Variants in HS6ST3 observed in about 807,000 individuals in gnomAD.
The protein encoded by HS6ST3 is heparan sulfate 6-O-sulfotransferase 3.
HS6ST3 carries 12 observed loss-of-function variants against 36.7 expected under a neutral mutation model. That is an observed-to-expected ratio of 0.33 (90% confidence interval 0.21 to 0.53). The LOEUF (loss-of-function observed/expected upper bound fraction) is 0.53. HS6ST3 is among the 20% of genes least tolerant of loss of function. The pLI, the probability that HS6ST3 is intolerant of heterozygous loss-of-function variation, is 0.95. For missense variants in HS6ST3, 584 were observed against 640.9 expected, an observed-to-expected ratio of 0.91 and a Z score of 0.96; for synonymous variants, 240 against 257.5, an observed-to-expected ratio of 0.93 and a Z score of 0.65.
intron 1 of HS6ST3, among the ~76,000 whole-genome samples, chr13:96,334,149 G>A (rs566264108): frequency 2.0e-5 from 3 of 152,284 alleles, no homozygotes; most frequent in African/African-American, 7.2e-5. Context: ...CTGGGTAAAG[G>A]CTGCTTACAA....
chr13:96,370,534 A>C (rs748857199), intron 1 of HS6ST3, among the ~76,000 whole-genome samples: 1 of 152,206 alleles, frequency 6.6e-6, no homozygotes, highest in Non-Finnish European at 1.5e-5. Context: ...ACTTCCTGAT[A>C]TGTTCCTCTA....
chr13:96,707,779 G>A (rs1875464334), intron 1 of HS6ST3, among the ~76,000 whole-genome samples: 2 of 152,210 alleles, frequency 1.3e-5, no homozygotes, highest in South Asian at 4.1e-4. Flanking sequence ...AGAAAGAATG[G>A]AAGATGAATC....
At chr13:96,096,399 A>G (rs979261911) in intron 1 of HS6ST3, among the ~76,000 whole-genome samples, 4 of 152,216 alleles carry the variant, frequency 2.6e-5, no homozygotes, top group Admixed American at 2.6e-4. Flanking sequence ...GATGTTGTAA[A>G]AGGAATTTCT....
chr13:96,634,005 A>G (rs1017432018), intron 1 of HS6ST3, among the ~76,000 whole-genome samples: 7 of 152,128 alleles, frequency 4.6e-5, no homozygotes, highest in African/African-American at 1.2e-4. Flanking sequence ...TGGTGCTGTT[A>G]TTAAGCAGAC....
At chr13:96,622,814 A>T (rs1361766339) in intron 1 of HS6ST3, among the ~76,000 whole-genome samples, 1 of 151,784 alleles carries the variant, frequency 6.6e-6, no homozygotes, top group Non-Finnish European at 1.5e-5. Context: ...TCAACCTTTT[A>T]GTTCTTTCAT....
chr13:96,693,838 T>C lies in HS6ST3; in HGVS notation c.708-138652T>C, dbSNP rs79849795. Among the ~76,000 whole-genome samples, 17 of 152,292 alleles carry C rather than the reference T, an allele frequency of 1.1e-4. No individual in the cohort carries two copies. In the East Asian group the frequency reaches 3.1e-3, roughly 28 times the overall value. ...GTAGAGAGACAGAAACAGAGACTTTTCTTTAAACTAAAGTTACATGGGTCC... is the reference window on the plus strand; with the variant it reads ...GTAGAGAGACAGAAACAGAGACTTTCCTTTAAACTAAAGTTACATGGGTCC... On this transcript the variant is annotated intron_variant, in intron 1 of 1. Coordinates refer to ENST00000376705, the MANE Select transcript of HS6ST3 (RefSeq NM_153456.4).
At chr13:96,217,410 T>A (rs1470387016) in intron 1 of HS6ST3, among the ~76,000 whole-genome samples, 1 of 152,192 alleles carries the variant, frequency 6.6e-6, no homozygotes, top group African/African-American at 2.4e-5. Context: ...CTGGTTCCCC[T>A]CCTTCAGAAT....
chr13:96,818,110 A>T (rs75388529), intron 1 of HS6ST3, among the ~76,000 whole-genome samples: 4,306 of 140,262 alleles, frequency 0.031, 71 homozygotes, highest in Middle Eastern at 0.03. Context: ...GCCTGAAGAA[A>T]AATATTTGCA....
In HS6ST3 at chr13:96,181,863, T is replaced by TC. The variant is rs893918614; in HGVS notation, c.707+90295dup. Among the ~76,000 whole-genome samples the TC allele has an allele frequency of 7.2e-5, 11 of 152,348 alleles. No homozygotes were observed. The East Asian group carries it at 1.9e-3, about 27-fold the overall frequency. Reference sequence around the variant, plus strand: ...GGTTTGTTGCAATTTATCTTTTTTTTCTCCCCCCACTGCAGGATATTGTAG... The same window carrying TC: ...GGTTTGTTGCAATTTATCTTTTTTTTCCTCCCCCCACTGCAGGATATTGTAG... On this transcript the variant is annotated intron_variant, in intron 1 of 1. Transcript: ENST00000376705.
At chr13:96,466,120 A>G (rs2055812479) in intron 1 of HS6ST3, among the ~76,000 whole-genome samples, 1 of 151,998 alleles carries the variant, frequency 6.6e-6, no homozygotes, top group East Asian at 1.9e-4. Flanking sequence ...GTCTCTACTA[A>G]AAATACAAAA....
intron 1 of HS6ST3, among the ~76,000 whole-genome samples, chr13:96,605,044 C>T (rs1014587630): frequency 4.6e-5 from 7 of 152,072 alleles, no homozygotes; most frequent in African/African-American, 1.7e-4. Flanking sequence ...TTGATGATTT[C>T]TAGGATTTCT....
At chr13:96,613,758 T>C (rs2056464008) in intron 1 of HS6ST3, among the ~76,000 whole-genome samples, 1 of 152,222 alleles carries the variant, frequency 6.6e-6, no homozygotes. Flanking sequence ...ATTAAATACT[T>C]GACTGCTTTC....
At chr13:96,329,948 G>A (rs1305229002) in intron 1 of HS6ST3, among the ~76,000 whole-genome samples, 2 of 150,184 alleles carry the variant, frequency 1.3e-5, no homozygotes, top group African/African-American at 4.9e-5. Context: ...GGCCTTCTTT[G>A]TCTCTTTTGA....
At chr13:96,330,063 A>G (rs977922060) in intron 1 of HS6ST3, among the ~76,000 whole-genome samples, 15 of 145,266 alleles carry the variant, frequency 1.0e-4, no homozygotes, top group African/African-American at 3.1e-4. Context: ...TTTTATTTTG[A>G]GCCTATGTGT....
intron 1 of HS6ST3, among the ~76,000 whole-genome samples, chr13:96,136,871 G>A (rs2054005039): frequency 6.6e-6 from 1 of 151,756 alleles, no homozygotes; most frequent in South Asian, 2.1e-4. Context: ...ATCATCCTTG[G>A]TTAGATACCA....
intron 1 of HS6ST3, among the ~76,000 whole-genome samples, chr13:96,302,519 G>A (rs2054888927): frequency 6.6e-6 from 1 of 151,928 alleles, no homozygotes; most frequent in African/African-American, 2.4e-5. Context: ...TCACAAAATT[G>A]TATGTGTAAT....
chr13:96,618,629 C>A (rs2138993175), intron 1 of HS6ST3, among the ~76,000 whole-genome samples: 1 of 152,266 alleles, frequency 6.6e-6, no homozygotes, highest in African/African-American at 2.4e-5. Flanking sequence ...TTTGTATTGG[C>A]TTCAGGCCCC....
At chr13:96,722,988 CGTGTGTGTGT>C (rs34651683) in intron 1 of HS6ST3, among the ~76,000 whole-genome samples, 15 of 143,672 alleles carry the variant, frequency 1.0e-4, no homozygotes, top group East Asian at 8.3e-4. Flanking sequence ...AAAAAATATA[CGTGTGTGTGT>C]GTGTGTGTGT....
chr13:96,405,881 GTT>G (rs1204072858), intron 1 of HS6ST3, among the ~76,000 whole-genome samples: 1 of 152,138 alleles, frequency 6.6e-6, no homozygotes, highest in African/African-American at 2.4e-5. Flanking sequence ...TCAGAGGTGA[GTT>G]TTGAGCCAAT....
Sources: allele counts gnomAD v4.1 joint callset (sites outside exome capture counted in the v4.1 genomes callset), GRCh38; gene constraint gnomAD v4.1.1; transcripts MANE v1.5; gene names NCBI Gene and HGNC (gene_info 2026-07-23, HGNC 2026-07-21).